The following TENM3 variants were observed in gnomAD, a reference collection of about 807,000 sequenced individuals.
TENM3 encodes the protein teneurin-3.
TENM3 carries 63 observed loss-of-function variants against 255.1 expected under a neutral mutation model. The ratio of observed to expected loss-of-function variants is 0.25; its 90% confidence interval spans 0.20 to 0.30. The LOEUF (loss-of-function observed/expected upper bound fraction) is 0.30, where lower values mean the gene tolerates loss of function less well. Among genes scored for constraint, TENM3 ranks in the 10% least tolerant of loss-of-function variants. TENM3 has a pLI of 1.00. For synonymous variants in TENM3, 1,306 were observed against 1,322.3 expected, an observed-to-expected ratio of 0.99 and a Z score of 0.27; for missense variants, 2,929 against 3,461.1, an observed-to-expected ratio of 0.85 and a Z score of 3.86.
chr4:181,900,717 A>G, the TENM3 span, among the ~76,000 whole-genome samples: 1 of 152,226 alleles, frequency 6.6e-6, no homozygotes, highest in African/African-American at 2.4e-5. Context: ...GTGAAGTGCA[A>G]CAAAGAATAG....
chr4:181,773,728 G>C, the TENM3 span, among the ~76,000 whole-genome samples: 3 of 152,096 alleles, frequency 2.0e-5, no homozygotes, highest in Non-Finnish European at 4.4e-5. Flanking sequence ...TTTTCTAGCA[G>C]ATTTTATTTT....
At chr4:181,893,221 G>A in the TENM3 span, among the ~76,000 whole-genome samples, 103 of 152,014 alleles carry the variant, frequency 6.8e-4, no homozygotes, top group East Asian at 0.018. Context: ...TGACAAAAAC[G>A]GTGTTCCATA....
At chr4:182,423,305 A>G (rs1770976996) in intron 3 of TENM3, among the ~76,000 whole-genome samples, 1 of 151,956 alleles carries the variant, frequency 6.6e-6, no homozygotes. Flanking sequence ...AATATTAGTC[A>G]CTCCTTCACG....
the TENM3 span, among the ~76,000 whole-genome samples, chr4:181,576,798 T>C: frequency 2.0e-5 from 3 of 148,506 alleles, no homozygotes; most frequent in Non-Finnish European, 4.5e-5. Context: ...TTTCTTTTTC[T>C]TTTCTTTCTT....
At chr4:182,536,906 A>G (rs1560889494) in intron 3 of TENM3, among the ~76,000 whole-genome samples, 1 of 152,116 alleles carries the variant, frequency 6.6e-6, no homozygotes, top group Non-Finnish European at 1.5e-5. Context: ...TTTTTACTCT[A>G]TGTCAGGGGT....
chr4:182,591,805 G>T (rs1481127006), intron 3 of TENM3, among the ~76,000 whole-genome samples: 1 of 152,134 alleles, frequency 6.6e-6, no homozygotes, highest in African/African-American at 2.4e-5. Flanking sequence ...GCCATTTTAG[G>T]TGGTTATATT....
chr4:181,746,910 A>AT, the TENM3 span, among the ~76,000 whole-genome samples: 2 of 151,828 alleles, frequency 1.3e-5, no homozygotes, highest in Non-Finnish European at 2.9e-5. Flanking sequence ...TTTAGTCAGT[A>AT]TTTTTTCCCA....
At chr4:182,687,135 CA>C (rs1216940043) in intron 11 of TENM3, among the ~76,000 whole-genome samples, 1 of 151,494 alleles carries the variant, frequency 6.6e-6, no homozygotes, top group African/African-American at 2.4e-5. Context: ...ATTTTTTAAT[CA>C]AAAAAAGGTT....
the TENM3 span, among the ~76,000 whole-genome samples, chr4:181,809,766 AG>A: frequency 4.5e-4 from 69 of 152,246 alleles, no homozygotes; most frequent in Non-Finnish European, 9.1e-4. Context: ...TGTAATCACA[AG>A]GGTCCTTATA....
At chr4:182,504,708 C>T (rs980022668) in intron 3 of TENM3, among the ~76,000 whole-genome samples, 10 of 152,200 alleles carry the variant, frequency 6.6e-5, no homozygotes, top group African/African-American at 2.4e-4. Context: ...GACCTGTTTG[C>T]TATTTTTGGC....
chr4:182,697,473 A>G (rs904521978), intron 12 of TENM3, among the ~76,000 whole-genome samples: 1 of 152,216 alleles, frequency 6.6e-6, no homozygotes, highest in African/African-American at 2.4e-5. Flanking sequence ...TGAAGCTTGC[A>G]GAACGAGAAC....
the TENM3 span, among the ~76,000 whole-genome samples, chr4:181,878,857 G>C: frequency 6.6e-6 from 1 of 151,860 alleles, no homozygotes; most frequent in East Asian, 1.9e-4. Flanking sequence ...CTATCTTTCT[G>C]TCTATCTATC....
chr4:181,868,825 G>A, the TENM3 span, among the ~76,000 whole-genome samples: 34 of 151,996 alleles, frequency 2.2e-4, no homozygotes, highest in South Asian at 2.1e-4. Context: ...AAATAGGGTC[G>A]CATTTCTTTA....
the TENM3 span, among the ~76,000 whole-genome samples, chr4:181,562,390 T>C: frequency 6.6e-6 from 1 of 152,150 alleles, no homozygotes; most frequent in Non-Finnish European, 1.5e-5. Context: ...ATAAAATACA[T>C]TGGTATAAGA....
At chr4:182,492,116 T>A (rs950094543) in intron 3 of TENM3, among the ~76,000 whole-genome samples, 1 of 152,146 alleles carries the variant, frequency 6.6e-6, no homozygotes, top group Non-Finnish European at 1.5e-5. Flanking sequence ...TAAGAGACAA[T>A]AAGGGTAGGA....
At chr4:182,239,818 C>G (rs1757127746), upstream of TENM3, among the ~76,000 whole-genome samples, 1 of 152,114 alleles carries the variant, frequency 6.6e-6, no homozygotes, top group Non-Finnish European at 1.5e-5. Flanking sequence ...GGAAAAAAAT[C>G]ATTACACCTA....
At chr4:181,777,650 A>G in the TENM3 span, among the ~76,000 whole-genome samples, 239 of 152,250 alleles carry the variant, frequency 1.6e-3, 3 homozygotes, top group African/African-American at 5.4e-3. Context: ...TAGTAGGTCA[A>G]TGATTATTTG....
intron 22 of TENM3, among the ~76,000 whole-genome samples, chr4:182,764,294 A>G (rs1205672166): frequency 6.6e-6 from 1 of 152,192 alleles, no homozygotes; most frequent in African/African-American, 2.4e-5. Flanking sequence ...TCATTCATTC[A>G]GTAAGAATTT....
At chr4:181,981,989 G>T in the TENM3 span, among the ~76,000 whole-genome samples, 1 of 152,114 alleles carries the variant, frequency 6.6e-6, no homozygotes, top group African/African-American at 2.4e-5. Flanking sequence ...TACGTGGGAA[G>T]TGAATGTTTG....
Sources: allele counts gnomAD v4.1 joint callset (sites outside exome capture counted in the v4.1 genomes callset), GRCh38; gene constraint gnomAD v4.1.1; transcripts MANE v1.5; gene names NCBI Gene and HGNC (gene_info 2026-07-23, HGNC 2026-07-21).